FOXP2: variants seen among roughly 807,000 people sequenced by gnomAD.
FOXP2 encodes forkhead box protein P2.
In FOXP2, 12 loss-of-function variants were observed where a neutral mutation model predicts 115.8. The observed-to-expected ratio is 0.10, with a 90% CI of 0.07 to 0.17. The LOEUF (loss-of-function observed/expected upper bound fraction) is 0.17. Among genes scored for constraint, FOXP2 ranks in the 10% least tolerant of loss-of-function variants. The pLI, the probability that FOXP2 is intolerant of heterozygous loss-of-function variation, is 1.00. For synonymous variants in FOXP2, 328 were observed against 297.7 expected, an observed-to-expected ratio of 1.10 and a Z score of -1.05; for missense variants, 629 against 843.5, an observed-to-expected ratio of 0.75 and a Z score of 3.15.
intron 1 of FOXP2, among the ~76,000 whole-genome samples, chr7:114,284,179 A>G (rs1796407490): frequency 6.6e-6 from 1 of 152,178 alleles, no homozygotes; most frequent in Non-Finnish European, 1.5e-5. Flanking sequence ...CTATACATGA[A>G]TGGCACACGG....
intron 1 of FOXP2, among the ~76,000 whole-genome samples, chr7:114,211,683 T>G (rs1291772882): frequency 6.6e-6 from 1 of 152,174 alleles, no homozygotes; most frequent in East Asian, 1.9e-4. Context: ...AAAAGTGGCT[T>G]TAGGGAAAAT....
chr7:114,102,999 A>C (rs1305848923), intron 1 of FOXP2, among the ~76,000 whole-genome samples: 3 of 152,038 alleles, frequency 2.0e-5, no homozygotes, highest in Non-Finnish European at 2.9e-5. Flanking sequence ...TTACAATATA[A>C]ATTTGGATAA....
At chr7:114,505,477 A>G (rs1331698495) in intron 2 of FOXP2, among the ~76,000 whole-genome samples, 2 of 151,330 alleles carry the variant, frequency 1.3e-5, no homozygotes, top group African/African-American at 4.8e-5. Flanking sequence ...GAGGGGTTTA[A>G]TTTTATATGC....
intron 5 of FOXP2, 113 bp from the exon 6 acceptor site, chr7:114,631,415 G>A: frequency 6.5e-7 from 1 of 1,528,224 alleles, no homozygotes; most frequent in Admixed American, 2.0e-5. Flanking sequence ...TTGACTATGG[G>A]ATGACCAAAA....
At chr7:114,598,787 C>T (rs1802860215) in intron 3 of FOXP2, among the ~76,000 whole-genome samples, 1 of 152,024 alleles carries the variant, frequency 6.6e-6, no homozygotes, top group African/African-American at 2.4e-5. Context: ...ATAAAAAGTA[C>T]ATTAACCAGA....
intron 2 of FOXP2, among the ~76,000 whole-genome samples, chr7:114,506,590 T>C (rs1012066106): frequency 1.3e-5 from 2 of 151,700 alleles, no homozygotes; most frequent in South Asian, 2.1e-4. Context: ...TACATATATA[T>C]CTAATCAAAG....
intron 2 of FOXP2, among the ~76,000 whole-genome samples, chr7:114,386,911 C>T (rs1025311920): frequency 6.6e-6 from 1 of 152,086 alleles, no homozygotes; most frequent in Non-Finnish European, 1.5e-5. Flanking sequence ...ATAATTATTT[C>T]ACTTAATATC....
At chr7:114,561,207 G>A (rs1800742468) in intron 3 of FOXP2, 1 of 152,226 alleles carries the variant, frequency 6.6e-6, no homozygotes, top group Admixed American at 6.5e-5. Context: ...AACAAATAGA[G>A]AAGTATATGC....
chr7:114,185,868 T>C (rs1793581845), intron 1 of FOXP2, among the ~76,000 whole-genome samples: 1 of 152,222 alleles, frequency 6.6e-6, no homozygotes, highest in South Asian at 2.1e-4. Context: ...ACTAACTGGG[T>C]AATTTATAAT....
At chr7:114,659,023 G>A (rs1283597543) in intron 11 of FOXP2, among the ~76,000 whole-genome samples, 1 of 152,106 alleles carries the variant, frequency 6.6e-6, no homozygotes, top group African/African-American at 2.4e-5. Flanking sequence ...TTAGATGAGA[G>A]AAGCAAAGAT....
intron 3 of FOXP2, among the ~76,000 whole-genome samples, chr7:114,552,331 A>G (rs1449171570): frequency 2.0e-5 from 3 of 152,290 alleles, no homozygotes; most frequent in East Asian, 1.9e-4. Flanking sequence ...TCCACCATTT[A>G]CTGACTGTAT....
chr7:114,603,276 T>C lies in FOXP2; in HGVS notation c.259-25264T>C, dbSNP rs577920586. Among the ~76,000 whole-genome samples, 25 of 152,314 alleles carry C rather than the reference T, an allele frequency of 1.6e-4. No homozygotes were observed. In the South Asian group the frequency reaches 5.2e-3, roughly 32 times the overall value. On this transcript the variant is annotated intron_variant, in intron 3 of 16. Coordinates refer to ENST00000350908, the MANE Select transcript of FOXP2 (RefSeq NM_014491.4). ...ACCAAAGAAAGATACCCTTTCAATGTTGAGCATTACAAACTGTTCTCAGAG... is the reference window on the plus strand; with the variant it reads ...ACCAAAGAAAGATACCCTTTCAATGCTGAGCATTACAAACTGTTCTCAGAG...
chr7:114,093,250 C>T (rs1202118544), intron 1 of FOXP2, among the ~76,000 whole-genome samples: 1 of 152,162 alleles, frequency 6.6e-6, no homozygotes, highest in Non-Finnish European at 1.5e-5. Flanking sequence ...GATCTATCCT[C>T]CTGTATCTTC....
rs754859315 is a variant in FOXP2, at chr7:114,659,366, A to G, written c.1479A>G (p.Pro493=). 8.7e-6 allele frequency: 14 copies of G among 1,610,974 alleles called. No individual in the cohort carries two copies. The highest frequency in any genetic ancestry group is 1.1e-5 in the Non-Finnish European group (13 of 1,177,704). The change falls in exon 12 of 17, where the codon CCA becomes CCG. Residue 493 remains proline, a synonymous_variant. Coordinates refer to ENST00000350908, the MANE Select transcript of FOXP2 (RefSeq NM_014491.4). The part of the protein sequence containing the change: ...YNIPMSSEIA[P]NYEFYKNADV... ...TTTTTATTTTTATAGAAATTGCCCC[A>G]AACTATGAATTTTATAAAAATGCAG...
intron 2 of FOXP2, among the ~76,000 whole-genome samples, chr7:114,495,071 A>G (rs1353873208): frequency 2.0e-5 from 3 of 152,218 alleles, no homozygotes; most frequent in African/African-American, 7.2e-5. Context: ...CAGAGAGGGC[A>G]TGAAAGTTTT....
At chr7:114,484,863 T>G (rs1215175264) in intron 2 of FOXP2, among the ~76,000 whole-genome samples, 1 of 151,962 alleles carries the variant, frequency 6.6e-6, no homozygotes, top group Non-Finnish European at 1.5e-5. Flanking sequence ...AATAGCTTTT[T>G]GGGTTATTTT....
At chr7:114,297,659 G>C (rs530053580) in intron 2 of FOXP2, among the ~76,000 whole-genome samples, 1 of 152,272 alleles carries the variant, frequency 6.6e-6, no homozygotes, top group South Asian at 2.1e-4. Context: ...TGTCAGTTAA[G>C]AGCTGCTTTA....
chr7:114,152,725 G>A (rs1411791735), intron 1 of FOXP2, among the ~76,000 whole-genome samples: 1 of 152,104 alleles, frequency 6.6e-6, no homozygotes, highest in African/African-American at 2.4e-5. Flanking sequence ...TGGAGGGAGG[G>A]TAGAGAAGCA....
intron 1 of FOXP2, among the ~76,000 whole-genome samples, chr7:114,114,240 T>C (rs183691523): frequency 6.6e-6 from 1 of 150,886 alleles, no homozygotes; most frequent in Non-Finnish European, 1.5e-5. Context: ...TATATATATA[T>C]ACGCATATAT....
Sources: allele counts gnomAD v4.1 joint callset (sites outside exome capture counted in the v4.1 genomes callset), GRCh38; gene constraint gnomAD v4.1.1; transcripts MANE v1.5; gene names NCBI Gene and HGNC (gene_info 2026-07-23, HGNC 2026-07-21).